The following PORCN variants were observed in gnomAD, a reference collection of about 807,000 sequenced individuals.
PORCN encodes the protein porcupine O-acyltransferase.
Under a neutral mutation model 43.0 loss-of-function variants are expected in PORCN, and 1 was observed. That is an observed-to-expected ratio of 0.02 (90% CI 0.01 to 0.11). The LOEUF (loss-of-function observed/expected upper bound fraction) is 0.11, where lower values mean the gene tolerates loss of function less well. Among genes scored for constraint, PORCN ranks in the 10% least tolerant of loss-of-function variants. The probability of loss-of-function intolerance (pLI) is 1.00; values close to 1 mark genes in which losing one functional copy is unlikely to be tolerated. For synonymous variants in PORCN, 148 were observed against 166.4 expected, an observed-to-expected ratio of 0.89 and a Z score of 0.85; for missense variants, 240 against 392.1, an observed-to-expected ratio of 0.61 and a Z score of 3.28.
chrX:48,510,346 C>T (rs2061665106), intron 2 of PORCN, among the ~76,000 whole-genome samples: 1 of 112,005 alleles, frequency 8.9e-6, no homozygotes, highest in Non-Finnish European at 1.9e-5. Flanking sequence ...ATGATTACAG[C>T]GTTTGGAGAT....
chrX:48,516,535 G>A (rs2061718836), intron 13 of PORCN, among the ~76,000 whole-genome samples: 2 of 111,702 alleles, frequency 1.8e-5, no homozygotes, highest in South Asian at 7.5e-4. Flanking sequence ...AGGAGAAAAT[G>A]TGTAGGGCAA....
chrX:48,509,647 G>A lies in PORCN; in HGVS notation c.-37-137G>A, dbSNP rs782351467. 78 of 1,143,688 alleles carry A rather than the reference G, an allele frequency of 6.8e-5. No homozygotes were observed. In the African/African-American group the frequency reaches 1.3e-3, roughly 19 times the overall value. 94.3% of individuals were successfully genotyped at this position (1,143,688 alleles called of 1,213,427 possible). On this transcript the variant is annotated intron_variant, in intron 1 of 14. Transcript: ENST00000326194. ...CAGTCTGATGTACCTGACTTCTCAC[G>A]CCTTCCCCCAGTCCTCCAGTACCGT...
At chrX:48,517,002 T>G (rs2147139017) in intron 13 of PORCN, among the ~76,000 whole-genome samples, 181 bp from the exon 14 acceptor site, 1 of 111,001 alleles carries the variant, frequency 9.0e-6, no homozygotes, top group South Asian at 3.8e-4. Flanking sequence ...TACCCTCATC[T>G]TGGATGCCTC....
chrX:48,510,203 C>G (rs2061664307), intron 2 of PORCN, among the ~76,000 whole-genome samples: 1 of 111,211 alleles, frequency 9.0e-6, no homozygotes. Flanking sequence ...CAAGCCATGC[C>G]CTTCAGTATT....
rs781926599 is a variant in PORCN at position 48,512,445 on chromosome X, A to G, written c.493A>G (p.Ile165Val). The G allele has an allele frequency of 8.3e-7, 1 of 1,210,070 alleles. No homozygotes were observed. Among genetic ancestry groups the G allele is most frequent in the Non-Finnish European group, 1.1e-6 (1 of 894,676 alleles). ...FMGYLYFVGT[I>V]VFGPWISFHS... ...GGGCTACCTCTACTTCGTGGGCACC[A>G]TCGTCTTCGGGCCCTGGATATCCTT... Residue 165 changes from isoleucine to valine, a missense_variant, in exon 5 of 15, where the codon ATC (isoleucine) becomes GTC (valine). Transcript: ENST00000326194.
Position 48,517,290 on chromosome X carries a change from G to C in PORCN, c.1281G>C (p.Glu427Asp). 1 of 1,147,489 alleles carries C rather than the reference G, an allele frequency of 8.7e-7. No individual in the cohort carries two copies. The highest frequency in any genetic ancestry group is 1.2e-6 in the Non-Finnish European group (1 of 854,183). 94.6% of individuals were successfully genotyped at this position (1,147,489 alleles called of 1,213,427 possible). ...TCGATGTGGATGACACCACAGAGGAGCAGGTGAGGTGGGGCCCTGGGCTGT... is the reference window on the plus strand; with the variant it reads ...TCGATGTGGATGACACCACAGAGGACCAGGTGAGGTGGGGCCCTGGGCTGT... ...FDVDVDDTTE[E>D]QGYGMAYTVH... Residue 427 changes from glutamate (E) to aspartate (D), a missense_variant, in exon 14 of 15, where the codon GAG becomes GAC. By Grantham distance (45) the Glu-to-Asp change is conservative. Transcript: ENST00000326194.
intron 4 of PORCN, 148 bp downstream of exon 4, chrX:48,512,083 C>A: frequency 1.8e-6 from 1 of 563,295 alleles, no homozygotes; most frequent in South Asian, 2.6e-5. Context: ...ACTCTTGGGT[C>A]CGTGTCTCTT....
rs1024768278 is a variant in PORCN, at chrX:48,509,009, C to T, written c.-132C>T. The T allele has an allele frequency of 8.8e-6, 1 of 113,313 alleles. No individual in the cohort carries two copies. The highest frequency in any genetic ancestry group is 3.2e-5 in the African/African-American group (1 of 31,118). 9.3% of individuals were successfully genotyped at this position (113,313 alleles called of 1,213,427 possible). A position where few individuals can be genotyped will look rare whatever the true frequency, so the allele number is the denominator to read the frequency against. ...GCCGCTCTGGGAGCCGCTGCTGGTCCCGGCCTTGCGGCCTGCGGGGGAGGC... is the reference window on the plus strand; with the variant it reads ...GCCGCTCTGGGAGCCGCTGCTGGTCTCGGCCTTGCGGCCTGCGGGGGAGGC... On this transcript the variant is annotated 5_prime_UTR_variant, in exon 1 of 15. Transcript: ENST00000326194.
intron 1 of PORCN, 147 bp from the exon 2 acceptor site, chrX:48,509,637 G>A: frequency 3.5e-6 from 4 of 1,143,629 alleles, no homozygotes; most frequent in Middle Eastern, 4.7e-4. Flanking sequence ...TGATGTACCT[G>A]ACTTCTCACG....
intron 5 of PORCN, 27 bp from the exon 6 acceptor site, chrX:48,512,562 C>T (rs1286309473): frequency 8.3e-7 from 1 of 1,209,779 alleles, no homozygotes; most frequent in Non-Finnish European, 1.1e-6. Flanking sequence ...CCTGGGGCAG[C>T]ACTCATGGAG....
At chrX:48,514,091 C>G (rs1213908026) in intron 7 of PORCN, 36 bp from the exon 8 acceptor site, 1 of 1,209,996 alleles carries the variant, frequency 8.3e-7, no homozygotes, top group Non-Finnish European at 1.1e-6. Context: ...TCTTTTCTTT[C>G]TTCTCTGCTG....
rs962833480 is a variant in PORCN, at chrX:48,510,546, C to A, written c.136+590C>A. Reference sequence around the variant, plus strand: ...ATAGGAGGCGGAGATTTCTGGAAATCTGAGATCCGAAGGTTCTACACTTTC... The same window carrying A: ...ATAGGAGGCGGAGATTTCTGGAAATATGAGATCCGAAGGTTCTACACTTTC... On this transcript the variant is annotated intron_variant, in intron 2 of 14. Transcript: ENST00000326194. Among the ~76,000 whole-genome samples the A allele has an allele frequency of 1.1e-4, 12 of 111,970 alleles. No individual in the cohort carries two copies. In the Admixed American group the frequency reaches 1.1e-3, roughly 11 times the overall value.
At chrX:48,514,483 G>C in intron 9 of PORCN, 42 bp from the exon 10 acceptor site, 2 of 1,192,072 alleles carry the variant, frequency 1.7e-6, no homozygotes, top group Admixed American at 2.2e-5. Context: ...GGTCAGATGA[G>C]TTGAGATCCC....
chrX:48,515,622 C>T, intron 10 of PORCN, 95 bp from the exon 11 acceptor site: 1 of 719,614 alleles, frequency 1.4e-6, no homozygotes, highest in Admixed American at 2.3e-5. Flanking sequence ...CTGGGGGCTC[C>T]AACAGGTTGT....
At chrX:48,510,382 C>T (rs1170051329) in intron 2 of PORCN, among the ~76,000 whole-genome samples, 1 of 111,905 alleles carries the variant, frequency 8.9e-6, no homozygotes. Context: ...TTCTCACATT[C>T]TAGACTTCTA....
In PORCN at chrX:48,520,678, G is replaced by C. The variant is rs2061753958; in HGVS notation, c.*202G>C. Reference sequence around the variant, plus strand: ...CCACCCCACCACAAGGCAGGAAGGGGGTGGTGCCTGCTGGGGCCTAGAGGG... The same window carrying C: ...CCACCCCACCACAAGGCAGGAAGGGCGTGGTGCCTGCTGGGGCCTAGAGGG... On this transcript the variant is annotated 3_prime_UTR_variant, in exon 15 of 15. Coordinates refer to ENST00000326194, the MANE Select transcript of PORCN (RefSeq NM_203475.3). The C allele has an allele frequency of 1.1e-5, 5 of 463,525 alleles. No individual in the cohort carries two copies. Among genetic ancestry groups the C allele is most frequent in the Non-Finnish European group, 3.9e-6 (1 of 258,037 alleles). 38.2% of individuals were successfully genotyped at this position (463,525 alleles called of 1,213,427 possible). A position where few individuals can be genotyped will look rare whatever the true frequency, so the allele number is the denominator to read the frequency against.
intron 14 of PORCN, 128 bp from the exon 15 acceptor site, chrX:48,520,247 T>C: frequency 3.8e-6 from 2 of 526,912 alleles, no homozygotes; most frequent in Middle Eastern, 3.3e-4. Context: ...ACCTTTCATA[T>C]GTACCTAGGC....
At chrX:48,513,340 G>A (rs1239704225) in intron 7 of PORCN, among the ~76,000 whole-genome samples, 1 of 112,185 alleles carries the variant, frequency 8.9e-6, no homozygotes, top group Non-Finnish European at 1.9e-5. Context: ...TCTGACTGTG[G>A]CATGTCATAT....
rs2147124342 is a variant in PORCN at position 48,512,664 on chromosome X, G to A, written c.631G>A (p.Gly211Ser). Reference protein sequence around the residue: ...LLCLVLSTCVGPYLFPYFIPL... With the variant: ...LLCLVLSTCVSPYLFPYFIPL... ...GTGCCTTGTGCTGTCCACTTGCGTG[G>A]GCCCCTACCTCTTCCCGTACTTCAT... The change falls in exon 6 of 15, where the codon GGC becomes AGC. Residue 211 changes from glycine to serine, a missense_variant. By Grantham distance (56) the Gly-to-Ser change is moderately conservative. Coordinates refer to ENST00000326194, the MANE Select transcript of PORCN (RefSeq NM_203475.3). 1.4e-5 allele frequency: 17 copies of A among 1,211,077 alleles called. No homozygotes were observed. The highest frequency in any genetic ancestry group is 1.8e-5 in the Non-Finnish European group (16 of 895,114).
Sources: allele counts gnomAD v4.1 joint callset (sites outside exome capture counted in the v4.1 genomes callset), GRCh38; gene constraint gnomAD v4.1.1; transcripts MANE v1.5; gene names NCBI Gene and HGNC (gene_info 2026-07-23, HGNC 2026-07-21).